Variants in MYOM1 observed in about 807,000 individuals in gnomAD.
MYOM1 encodes the protein myomesin 1, also known as myomesin-1.
Under a neutral mutation model 205.3 loss-of-function variants are expected in MYOM1, and 164 were observed. The ratio of observed to expected loss-of-function variants is 0.80; its 90% confidence interval spans 0.70 to 0.91. MYOM1 has a LOEUF of 0.91. MYOM1 is among the 40% of genes least tolerant of loss of function. The pLI is 0.00. For missense variants in MYOM1, 2,011 were observed against 2,127.3 expected (o/e 0.95, Z 1.08); for synonymous variants, 772 against 789.4 (o/e 0.98, Z 0.37).
chr18:3,175,423 T>C (rs1262658142), intron 6 of MYOM1, among the ~76,000 whole-genome samples: 1 of 152,034 alleles, frequency 6.6e-6, no homozygotes, highest in Non-Finnish European at 1.5e-5. Context: ...GGAGGCAAAA[T>C]AAACATTTGG....
intron 10 of MYOM1, among the ~76,000 whole-genome samples, chr18:3,155,638 T>C (rs1311283071): frequency 1.3e-5 from 2 of 152,236 alleles, no homozygotes; most frequent in Non-Finnish European, 2.9e-5. Context: ...CTTTGCCTCA[T>C]GGTCCCTGTG....
chr18:3,118,802 C>T (rs1322575896), intron 20 of MYOM1, among the ~76,000 whole-genome samples: 1 of 152,188 alleles, frequency 6.6e-6, no homozygotes, highest in Non-Finnish European at 1.5e-5. Context: ...CCTCAAGGAA[C>T]TGCAAGGAAA....
chr18:3,155,119 C>G lies in MYOM1; in HGVS notation c.1502-31G>C, dbSNP rs1258508261. 3.8e-6 allele frequency: 6 copies of G among 1,579,854 alleles called. No individual in the cohort carries two copies. The South Asian group carries it at 4.7e-5, about 12-fold the overall frequency. ...GAGACAGAGAAGGATCCCATTAACC[C>G]TCTCAGACATGCTGTCAGTCGGCAG... On this transcript the variant is annotated intron_variant, in intron 10 of 37. Transcript: ENST00000356443.
At chr18:3,198,859 A>G (rs2081028406) in intron 2 of MYOM1, among the ~76,000 whole-genome samples, 2 of 152,106 alleles carry the variant, frequency 1.3e-5, no homozygotes, top group Non-Finnish European at 2.9e-5. Flanking sequence ...CCCTGGTTTC[A>G]CATCAGAATC....
At chr18:3,161,206 C>T (rs1245074477) in intron 10 of MYOM1, among the ~76,000 whole-genome samples, 1 of 152,150 alleles carries the variant, frequency 6.6e-6, no homozygotes, top group Non-Finnish European at 1.5e-5. Flanking sequence ...TTTCATGATG[C>T]CTTTGTGGTG....
At chr18:3,163,457 T>G (rs76455632) in intron 10 of MYOM1, among the ~76,000 whole-genome samples, 3,744 of 152,242 alleles carry the variant, frequency 0.025, 160 homozygotes, top group African/African-American at 0.084. Flanking sequence ...TACTTTTTTT[T>G]TTGTTTTTCT....
intron 2 of MYOM1, among the ~76,000 whole-genome samples, chr18:3,206,238 A>G (rs1033830855): frequency 6.6e-6 from 1 of 152,228 alleles, no homozygotes; most frequent in East Asian, 1.9e-4. Context: ...GCCACAAAAG[A>G]GCTGAATTCA....
intron 10 of MYOM1, among the ~76,000 whole-genome samples, chr18:3,162,782 T>C (rs1165474518): frequency 6.6e-6 from 1 of 152,076 alleles, no homozygotes; most frequent in Non-Finnish European, 1.5e-5. Context: ...TCCCAGCACT[T>C]TGGGAGACCG....
intron 17 of MYOM1, among the ~76,000 whole-genome samples, chr18:3,130,055 T>C (rs2079852357): frequency 6.6e-6 from 1 of 151,906 alleles, no homozygotes; most frequent in African/African-American, 2.4e-5. Context: ...TTTCTTCTTT[T>C]TTTTTTTTTT....
At chr18:3,206,775 G>A (rs1279801771) in intron 2 of MYOM1, among the ~76,000 whole-genome samples, 1 of 152,124 alleles carries the variant, frequency 6.6e-6, no homozygotes, top group African/African-American at 2.4e-5. Flanking sequence ...AAGCTGAAGA[G>A]TCCTCTTTTT....
chr18:3,188,683 A>C (rs2080857875), intron 4 of MYOM1, 65 bp downstream of exon 4: 3 of 1,394,500 alleles, frequency 2.2e-6, no homozygotes, highest in Non-Finnish European at 2.9e-6. Context: ...ACACACACAC[A>C]CACACACACC....
At chr18:3,130,679 C>T (rs756779304) in intron 17 of MYOM1, among the ~76,000 whole-genome samples, 27 of 152,154 alleles carry the variant, frequency 1.8e-4, no homozygotes, top group Non-Finnish European at 3.1e-4. Context: ...TGGTCTCAAA[C>T]TCCTGGACTC....
chr18:3,207,700 T>C (rs978628817), intron 2 of MYOM1, among the ~76,000 whole-genome samples: 4 of 152,206 alleles, frequency 2.6e-5, no homozygotes, highest in Non-Finnish European at 5.9e-5. Flanking sequence ...GTGCCGACAC[T>C]ATGGAGGCCA....
intron 10 of MYOM1, among the ~76,000 whole-genome samples, chr18:3,155,776 G>C (rs908801606): frequency 6.6e-6 from 1 of 152,122 alleles, no homozygotes; most frequent in East Asian, 1.9e-4. Flanking sequence ...ACTAAGAAAG[G>C]CTCCCAAGGG....
At chr18:3,070,415 G>A (rs1266932454) in intron 37 of MYOM1, among the ~76,000 whole-genome samples, 1 of 152,144 alleles carries the variant, frequency 6.6e-6, no homozygotes, top group African/African-American at 2.4e-5. Flanking sequence ...GCCTCCCAAA[G>A]TGCTGGTTTA....
At chr18:3,136,672 A>C (rs577685930) in intron 14 of MYOM1, among the ~76,000 whole-genome samples, 1 of 151,994 alleles carries the variant, frequency 6.6e-6, no homozygotes, top group East Asian at 1.9e-4. Flanking sequence ...CAAGCGATTC[A>C]CCCACTTCAG....
In MYOM1 at chr18:3,173,937, C is replaced by G; in HGVS notation, c.1174+1G>C. 1 of 1,613,002 alleles carries G rather than the reference C, an allele frequency of 6.2e-7. No homozygotes were observed. Among genetic ancestry groups the G allele is most frequent in the Non-Finnish European group, 8.5e-7 (1 of 1,179,072 alleles). ...CTTAGTAAATGTGTTTTTAAACTTA[C>G]AGCTGAGGGGCATGGTGGAAGCCCC... On this transcript the variant is annotated splice_donor_variant, in intron 8 of 37. Transcript: ENST00000356443. LOFTEE classifies it high-confidence loss of function.
rs2080226305 is a variant in MYOM1 at position 3,151,794 on chromosome 18, G to A, written c.1743C>T (p.Ile581=). The A allele has an allele frequency of 6.2e-7, 1 of 1,613,876 alleles. No homozygotes were observed. Among genetic ancestry groups the A allele is most frequent in the Admixed American group, 1.7e-5 (1 of 59,998 alleles). Residue 581 remains isoleucine (I), a synonymous_variant, in exon 12 of 38, where the codon ATC becomes ATT. Transcript: ENST00000356443. ...VTGLIEGRSY[I]FRVRAVNKMG... is the part of the protein sequence containing the mutation. ...TTTTATTCACAGCTCGAACTCGGAA[G>A]ATATAGGAACGACCTTCGATCAATC...
intron 9 of MYOM1, among the ~76,000 whole-genome samples, chr18:3,166,302 A>C (rs890611572): frequency 2.2e-5 from 3 of 137,956 alleles, no homozygotes; most frequent in African/African-American, 8.0e-5. Flanking sequence ...GCGGCGTCTC[A>C]GTCTGTCATC....
Sources: gnomAD v4.1 joint callset for allele counts (sites outside exome capture counted in the v4.1 genomes callset) on GRCh38, gnomAD v4.1.1 for gene constraint, MANE v1.5 for transcripts, NCBI Gene and HGNC (gene_info 2026-07-23, HGNC 2026-07-21) for gene names.